Variants in ZFPM2 observed in about 807,000 individuals in gnomAD.
ZFPM2 encodes the protein zinc finger protein ZFPM2.
ZFPM2 carries 20 observed loss-of-function variants against 98.6 expected under a neutral mutation model. The ratio of observed to expected loss-of-function variants is 0.20; its 90% CI spans 0.14 to 0.29. ZFPM2 has a LOEUF of 0.29. Ranked by LOEUF, ZFPM2 falls within the 10% of genes least tolerant of loss-of-function variation. ZFPM2 has a pLI of 1.00. For missense variants in ZFPM2, 1,310 were observed against 1,388.6 expected, an observed-to-expected ratio of 0.94 and a Z score of 0.90; for synonymous variants, 518 against 502.7, an observed-to-expected ratio of 1.03 and a Z score of -0.41.
intron 5 of ZFPM2, among the ~76,000 whole-genome samples, chr8:105,634,907 G>T (rs16873446): frequency 0.012 from 1,823 of 152,272 alleles, 28 homozygotes; most frequent in African/African-American, 0.041. Context: ...GCAGGGCATT[G>T]CCTTTGATTT....
At chr8:105,694,498 T>G (rs1176997785) in intron 5 of ZFPM2, among the ~76,000 whole-genome samples, 2 of 152,128 alleles carry the variant, frequency 1.3e-5, no homozygotes, top group Non-Finnish European at 2.9e-5. Context: ...GAGACTCAGG[T>G]CTCCAATCTG....
In ZFPM2 at chr8:105,801,878, C is replaced by T. The variant is rs1486308968; in HGVS notation, c.1796C>T (p.Thr599Ile). The T allele has an allele frequency of 1.9e-6, 3 of 1,613,994 alleles. No individual in the cohort carries two copies. The highest frequency in any genetic ancestry group is 1.7e-5 in the Admixed American group (1 of 60,028). The change falls in exon 8 of 8, where the codon ACT becomes ATT. Residue 599 changes from threonine (T) to isoleucine (I), a missense_variant. Coordinates refer to ENST00000407775, the MANE Select transcript of ZFPM2 (RefSeq NM_012082.4). ...EKMPEALSPNTGQTSINLLNP... is the reference protein window; with the variant it reads ...EKMPEALSPNIGQTSINLLNP... ...ATGCCTGAAGCTTTGAGTCCCAACA[C>T]TGGCCAAACCTCCATAAACCTTCTC...
chr8:105,355,166 G>A (rs1428546911), intron 1 of ZFPM2, among the ~76,000 whole-genome samples: 1 of 152,136 alleles, frequency 6.6e-6, no homozygotes, highest in Non-Finnish European at 1.5e-5. Flanking sequence ...TGTATTAACA[G>A]TTTGTTGCAT....
chr8:105,655,846 G>A (rs191069713), intron 5 of ZFPM2, among the ~76,000 whole-genome samples: 165 of 152,262 alleles, frequency 1.1e-3, no homozygotes, highest in African/African-American at 3.7e-3. Flanking sequence ...TTATGATAGG[G>A]CCATTGAGGT....
intron 3 of ZFPM2, among the ~76,000 whole-genome samples, chr8:105,462,956 A>T (rs1812730104): frequency 1.3e-5 from 2 of 152,254 alleles, no homozygotes; most frequent in Middle Eastern, 6.8e-3. Flanking sequence ...TGAAAAATAT[A>T]ATTTAGTCAG....
chr8:105,628,509 T>C lies in ZFPM2; in HGVS notation c.421-5737T>C, dbSNP rs146777492. ...AAAGTGAGAACTTCTATCCCTGTTTTCCCACTCAAATGTTGCCTTTTCCTC... is the reference window on the plus strand; with the variant it reads ...AAAGTGAGAACTTCTATCCCTGTTTCCCCACTCAAATGTTGCCTTTTCCTC... On this transcript the variant is annotated intron_variant, in intron 4 of 7. Coordinates refer to ENST00000407775, the MANE Select transcript of ZFPM2 (RefSeq NM_012082.4). Among the ~76,000 whole-genome samples the C allele has an allele frequency of 1.9e-3, 286 of 152,226 alleles. 2 individuals are homozygous for C. Among genetic ancestry groups the C allele is most frequent in the Non-Finnish European group, 3.1e-3 (213 of 68,004 alleles).
intron 5 of ZFPM2, among the ~76,000 whole-genome samples, chr8:105,764,739 T>C (rs1176268813): frequency 2.6e-5 from 4 of 151,780 alleles, no homozygotes; most frequent in Non-Finnish European, 5.9e-5. Flanking sequence ...AGGGTAATTT[T>C]ATACAATTTT....
At chr8:105,781,704 G>A (rs1311284408) in intron 5 of ZFPM2, among the ~76,000 whole-genome samples, 1 of 152,200 alleles carries the variant, frequency 6.6e-6, no homozygotes, top group East Asian at 1.9e-4. Context: ...CTGGGTGACA[G>A]AGTGAGACCC....
intron 2 of ZFPM2, among the ~76,000 whole-genome samples, chr8:105,432,028 G>A (rs1303040687): frequency 6.6e-6 from 1 of 152,032 alleles, no homozygotes; most frequent in Non-Finnish European, 1.5e-5. Flanking sequence ...CAGCATTTGA[G>A]CGACACCAGC....
chr8:105,782,985 C>T (rs1050049147), intron 5 of ZFPM2, among the ~76,000 whole-genome samples: 1 of 152,016 alleles, frequency 6.6e-6, no homozygotes, highest in Admixed American at 6.6e-5. Context: ...CAGGCAGAAA[C>T]TCAGATCAAT....
intron 4 of ZFPM2, among the ~76,000 whole-genome samples, chr8:105,617,259 C>T (rs1816440112): frequency 6.6e-6 from 1 of 151,838 alleles, no homozygotes; most frequent in African/African-American, 2.4e-5. Flanking sequence ...AAATAACTAC[C>T]TTTTTTTCAC....
intron 3 of ZFPM2, among the ~76,000 whole-genome samples, chr8:105,535,093 T>G (rs111525096): frequency 3.3e-4 from 50 of 152,286 alleles, no homozygotes; most frequent in African/African-American, 1.1e-3. Context: ...GGCATATCAT[T>G]GGGGAATAAA....
chr8:105,701,025 T>C (rs1324043977), intron 5 of ZFPM2, among the ~76,000 whole-genome samples: 3 of 152,238 alleles, frequency 2.0e-5, no homozygotes, highest in Non-Finnish European at 4.4e-5. Context: ...TTTGTTGGTA[T>C]TTTTGTTGGG....
At chr8:105,578,562 A>G (rs73307949) in intron 4 of ZFPM2, among the ~76,000 whole-genome samples, 257 of 152,246 alleles carry the variant, frequency 1.7e-3, no homozygotes, top group African/African-American at 5.7e-3. Context: ...GAAAATCTAC[A>G]TAATTCATGT....
intron 5 of ZFPM2, among the ~76,000 whole-genome samples, chr8:105,647,994 A>G (rs1817085495): frequency 6.6e-6 from 1 of 152,160 alleles, no homozygotes; most frequent in Non-Finnish European, 1.5e-5. Flanking sequence ...AGTCCCACCA[A>G]CAGTGTAAAA....
intron 5 of ZFPM2, among the ~76,000 whole-genome samples, chr8:105,690,311 A>T (rs1335111871): frequency 6.6e-6 from 1 of 152,198 alleles, no homozygotes; most frequent in Non-Finnish European, 1.5e-5. Context: ...TGTTAAAATG[A>T]TGTTCTTTAA....
At chr8:105,355,354 A>T (rs1197676360) in intron 1 of ZFPM2, among the ~76,000 whole-genome samples, 5 of 152,168 alleles carry the variant, frequency 3.3e-5, no homozygotes, top group African/African-American at 1.2e-4. Flanking sequence ...TTCTTCAGAC[A>T]CAAATTCTTT....
chr8:105,423,230 A>G (rs1046701439), intron 2 of ZFPM2, among the ~76,000 whole-genome samples: 2 of 152,184 alleles, frequency 1.3e-5, no homozygotes, highest in African/African-American at 4.8e-5. Flanking sequence ...TAATTATATA[A>G]GTCCATCTCA....
intron 4 of ZFPM2, among the ~76,000 whole-genome samples, chr8:105,633,403 A>G (rs1816788441): frequency 6.6e-6 from 1 of 152,208 alleles, no homozygotes; most frequent in Non-Finnish European, 1.5e-5. Flanking sequence ...CGGGAAACAC[A>G]GTCTTGCTGA....
Sources: gnomAD v4.1 joint callset for allele counts (sites outside exome capture counted in the v4.1 genomes callset) on GRCh38, gnomAD v4.1.1 for gene constraint, MANE v1.5 for transcripts, NCBI Gene and HGNC (gene_info 2026-07-23, HGNC 2026-07-21) for gene names.